Variants in BAZ2B observed in about 807,000 individuals in gnomAD.
The protein encoded by BAZ2B is bromodomain adjacent to zinc finger domain protein 2B.
Under a neutral mutation model 246.0 loss-of-function variants are expected in BAZ2B, and 91 were observed. The ratio of observed to expected loss-of-function variants is 0.37; its 90% CI spans 0.31 to 0.44. The LOEUF is 0.44. BAZ2B is among the 20% of genes least tolerant of loss of function. The pLI is 1.00. For synonymous variants in BAZ2B, 855 were observed against 860.0 expected, an observed-to-expected ratio of 0.99 and a Z score of 0.10; for missense variants, 2,332 against 2,533.7, an observed-to-expected ratio of 0.92 and a Z score of 1.71.
the BAZ2B span, among the ~76,000 whole-genome samples, chr2:159,669,392 TA>T: frequency 2.0e-5 from 3 of 152,154 alleles, no homozygotes; most frequent in Non-Finnish European, 4.4e-5. Flanking sequence ...TATGTGAACA[TA>T]AAAAAATATG....
chr2:159,686,763 C>T, the BAZ2B span, among the ~76,000 whole-genome samples: 1 of 152,118 alleles, frequency 6.6e-6, no homozygotes, highest in Non-Finnish European at 1.5e-5. Flanking sequence ...CCACAGTAGG[C>T]CAGGCGTGGT....
intron 1 of BAZ2B, among the ~76,000 whole-genome samples, chr2:159,599,224 C>CGA (rs1285404936): frequency 7.2e-5 from 11 of 152,204 alleles, no homozygotes; most frequent in Non-Finnish European, 1.6e-4. Flanking sequence ...GTTGACTTTA[C>CGA]GAGCCCTCCC....
At chr2:159,596,597 G>T (rs1262994426) in intron 1 of BAZ2B, among the ~76,000 whole-genome samples, 1 of 152,026 alleles carries the variant, frequency 6.6e-6, no homozygotes, top group African/African-American at 2.4e-5. Flanking sequence ...TACAAGAGTG[G>T]TGATCTGTGA....
chr2:159,523,735 G>A (rs989945521), intron 2 of BAZ2B, among the ~76,000 whole-genome samples: 1 of 151,988 alleles, frequency 6.6e-6, no homozygotes, highest in African/African-American at 2.4e-5. Context: ...AGAAACTCAG[G>A]CCCCAGACTA....
intron 4 of BAZ2B, among the ~76,000 whole-genome samples, chr2:159,450,157 T>C (rs2074852276): frequency 6.6e-6 from 1 of 152,102 alleles, no homozygotes; most frequent in South Asian, 2.1e-4. Flanking sequence ...GACTCAAATA[T>C]TTTAGACATA....
intron 13 of BAZ2B, among the ~76,000 whole-genome samples, chr2:159,416,004 C>T (rs2067645924): frequency 6.6e-6 from 1 of 152,122 alleles, no homozygotes; most frequent in East Asian, 1.9e-4. Context: ...GTGATTCAAA[C>T]CCATGACTGT....
At chr2:159,387,858 C>A (rs1485382195) in intron 21 of BAZ2B, among the ~76,000 whole-genome samples, 2 of 151,888 alleles carry the variant, frequency 1.3e-5, no homozygotes, top group Non-Finnish European at 2.9e-5. Context: ...ATTTATATAC[C>A]CATTCTCTGC....
intron 26 of BAZ2B, 43 bp downstream of exon 26, chr2:159,374,648 A>C (rs191555902): frequency 6.5e-7 from 1 of 1,539,652 alleles, no homozygotes; most frequent in East Asian, 2.3e-5. Flanking sequence ...TAGATTTCTA[A>C]AACACTGTGA....
Position 159,478,740 on chromosome 2 carries a change from T to C in BAZ2B, c.-2-19A>G, listed in dbSNP as rs2078915259. On this transcript the variant is annotated intron_variant, in intron 2 of 36. Transcript: ENST00000392783. ...TCCATATCTATGAGAAGGGAAAATG[T>C]TAATTCTCAGTATCAGATAAAAAAT... 2.1e-6 allele frequency: 3 copies of C among 1,459,120 alleles called. No homozygotes were observed. Among genetic ancestry groups the C allele is most frequent in the East Asian group, 5.1e-5 (2 of 39,332 alleles). 90.4% of individuals were successfully genotyped at this position (1,459,120 alleles called of 1,614,324 possible).
At chr2:159,704,400 G>C in the BAZ2B span, among the ~76,000 whole-genome samples, 4 of 151,756 alleles carry the variant, frequency 2.6e-5, no homozygotes, top group African/African-American at 9.7e-5. Context: ...AATCAGTTAG[G>C]TATATTGGGT....
chr2:159,342,145 A>G (rs1356946530), intron 31 of BAZ2B, among the ~76,000 whole-genome samples: 2 of 152,214 alleles, frequency 1.3e-5, no homozygotes, highest in African/African-American at 4.8e-5. Context: ...CTACATGGAA[A>G]TTGCATCACA....
chr2:159,656,719 C>T, the BAZ2B span, among the ~76,000 whole-genome samples: 1 of 152,254 alleles, frequency 6.6e-6, no homozygotes, highest in South Asian at 2.1e-4. Flanking sequence ...ATGTAACACT[C>T]TCATTTTAAT....
chr2:159,624,155 T>C, the BAZ2B span, among the ~76,000 whole-genome samples: 2 of 152,282 alleles, frequency 1.3e-5, no homozygotes, highest in East Asian at 3.9e-4. Flanking sequence ...ATTTCTCTTC[T>C]CTGGGCAGGG....
At chr2:159,364,841 G>A (rs574998140) in intron 27 of BAZ2B, among the ~76,000 whole-genome samples, 2 of 152,194 alleles carry the variant, frequency 1.3e-5, no homozygotes, top group Non-Finnish European at 2.9e-5. Context: ...GAAACAGGTT[G>A]CATTTCTTAT....
intron 14 of BAZ2B, among the ~76,000 whole-genome samples, chr2:159,407,715 T>C (rs888982818): frequency 6.6e-6 from 1 of 152,130 alleles, no homozygotes; most frequent in African/African-American, 2.4e-5. Flanking sequence ...AAATGGAAGA[T>C]GATGATAAAG....
At chr2:159,463,243 T>C (rs61745506) in intron 3 of BAZ2B, 5,621 of 445,326 alleles carry the variant, frequency 0.013, 190 homozygotes, top group East Asian at 0.084. Context: ...CACACAATCA[T>C]TGAAGTTGGC....
chr2:159,341,430 T>A (rs1452361398), intron 31 of BAZ2B, among the ~76,000 whole-genome samples: 1 of 152,196 alleles, frequency 6.6e-6, no homozygotes, highest in Non-Finnish European at 1.5e-5. Flanking sequence ...AATATGATAA[T>A]GGCTGGGGAT....
intron 4 of BAZ2B, 80 bp downstream of exon 4, chr2:159,453,533 T>C (rs745328937): frequency 2.3e-4 from 323 of 1,415,544 alleles, no homozygotes; most frequent in Non-Finnish European, 2.8e-4. Context: ...ACTATTCCTT[T>C]TGTTCAATAG....
chr2:159,610,203 C>T (rs1391055980), intron 1 of BAZ2B, among the ~76,000 whole-genome samples: 1 of 152,138 alleles, frequency 6.6e-6, no homozygotes, highest in East Asian at 1.9e-4. Flanking sequence ...CAACCTAATG[C>T]TTTCTTACTA....
Sources: allele counts gnomAD v4.1 joint callset (sites outside exome capture counted in the v4.1 genomes callset), GRCh38; gene constraint gnomAD v4.1.1; transcripts MANE v1.5; gene names NCBI Gene and HGNC (gene_info 2026-07-23, HGNC 2026-07-21).